PITPNM2: variants seen among roughly 807,000 people sequenced by gnomAD.
PITPNM2 encodes the protein membrane-associated phosphatidylinositol transfer protein 2.
A neutral mutation model predicts 132.2 loss-of-function variants in PITPNM2; 35 were observed. The observed-to-expected ratio is 0.26, with a 90% CI of 0.20 to 0.35. The LOEUF is 0.35. PITPNM2 is among the 10% of genes least tolerant of loss of function. The pLI, the probability that PITPNM2 is intolerant of heterozygous loss-of-function variation, is 1.00. For synonymous variants in PITPNM2, 738 were observed against 799.2 expected, an observed-to-expected ratio of 0.92 and a Z score of 1.29; for missense variants, 1,332 against 1,912.0, an observed-to-expected ratio of 0.70 and a Z score of 5.66.
At position 123,099,945 on chromosome 12, in the gene PITPNM2, C is replaced by T. The variant is rs376656539; in HGVS notation, c.-96+10440G>A. ...CACAGAAAACACCACTAACAGAGCA[C>T]CCAGGTGTGCAGGCATCCATGCCCG... On this transcript the variant is annotated intron_variant, in intron 2 of 25. Transcript: ENST00000320201. This position sits in a 1 kb window ranked among gnomAD's most constrained non-coding sequence, Gnocchi z 4.2. Among the ~76,000 whole-genome samples, 59 of 152,304 alleles carry T rather than the reference C, an allele frequency of 3.9e-4. No homozygotes were observed. Among genetic ancestry groups the T allele is most frequent in the South Asian group, 3.5e-3 (17 of 4,826 alleles).
chr12:123,005,808 C>A lies in PITPNM2; in HGVS notation c.644-260G>T. ...CCAAAGCAATGTGTCCGGTCAGAAG[C>A]CACAGTTGGAAGGGCGCAGTGGCTC... On this transcript the variant is annotated intron_variant, in intron 6 of 25. Transcript: ENST00000320201. This position sits in a 1 kb window ranked among gnomAD's most constrained non-coding sequence, Gnocchi z 6.2. The A allele has an allele frequency of 1.9e-6, 1 of 518,196 alleles. No individual in the cohort carries two copies. Among genetic ancestry groups the A allele is most frequent in the African/African-American group, 1.9e-5 (1 of 52,598 alleles). 32.1% of individuals were successfully genotyped at this position (518,196 alleles called of 1,614,324 possible).
intron 2 of PITPNM2, among the ~76,000 whole-genome samples, chr12:123,098,272 G>T (rs572573548): frequency 2.6e-5 from 4 of 152,330 alleles, no homozygotes; most frequent in African/African-American, 9.6e-5. Flanking sequence ...CCTGGAATGG[G>T]TTGGGGCTCA....
At chr12:123,011,946 C>G (rs941166636) in intron 5 of PITPNM2, among the ~76,000 whole-genome samples, 1 of 152,188 alleles carries the variant, frequency 6.6e-6, no homozygotes, top group Non-Finnish European at 1.5e-5. Flanking sequence ...GGGCCTGGAG[C>G]AGCTCCTGGG....
At chr12:123,079,117 G>T (rs1332507610) in intron 2 of PITPNM2, among the ~76,000 whole-genome samples, 1 of 152,118 alleles carries the variant, frequency 6.6e-6, no homozygotes, top group Non-Finnish European at 1.5e-5. Context: ...GCCCATCTCA[G>T]GAGCTGCGGT....
In PITPNM2 at chr12:123,145,807, C is replaced by T. The variant is rs192429587; in HGVS notation, c.-200+4946G>A. Among the ~76,000 whole-genome samples, 7 of 152,234 alleles carry T rather than the reference C, an allele frequency of 4.6e-5. No homozygotes were observed. The East Asian group carries it at 5.8e-4, about 13-fold the overall frequency. ...CAGTCTGGGCAACATAGCAAGACGTCGTCTCTACTAAAAATATCGTTCTAT... is the reference window on the plus strand; with the variant it reads ...CAGTCTGGGCAACATAGCAAGACGTTGTCTCTACTAAAAATATCGTTCTAT... On this transcript the variant is annotated intron_variant, in intron 1 of 25. Transcript: ENST00000320201.
At chr12:123,006,945 T>G (rs2038957910) in intron 6 of PITPNM2, among the ~76,000 whole-genome samples, 1 of 151,990 alleles carries the variant, frequency 6.6e-6, no homozygotes, top group South Asian at 2.1e-4. Context: ...AAATTATGCC[T>G]CAATAAAGCT....
At chr12:123,055,300 G>A (rs555577631) in intron 2 of PITPNM2, among the ~76,000 whole-genome samples, 7 of 152,286 alleles carry the variant, frequency 4.6e-5, no homozygotes, top group South Asian at 2.1e-4. Context: ...TGTTCCCAAC[G>A]TGCCACCCTT....
chr12:123,068,178 A>ACGAGCACGGC (rs1555294120), intron 2 of PITPNM2, among the ~76,000 whole-genome samples: 1 of 36,088 alleles, frequency 2.8e-5, no homozygotes, highest in African/African-American at 1.3e-4. Context: ...CTAAAAATCC[A>ACGAGCACGGC]CGGGCACGGC....
intron 2 of PITPNM2, among the ~76,000 whole-genome samples, chr12:123,061,371 C>G (rs1183689986): frequency 2.0e-5 from 3 of 152,242 alleles, no homozygotes; most frequent in Admixed American, 6.5e-5. Context: ...ACCCTAAGCC[C>G]ACTCTGCAGA....
intron 3 of PITPNM2, among the ~76,000 whole-genome samples, chr12:123,030,560 G>A (rs903253434): frequency 6.6e-6 from 1 of 152,098 alleles, no homozygotes; most frequent in African/African-American, 2.4e-5. Flanking sequence ...AGGGGTGGTG[G>A]CACGCGCCTG....
intron 3 of PITPNM2, among the ~76,000 whole-genome samples, chr12:123,024,827 C>T (rs1219162961): frequency 5.3e-5 from 8 of 152,092 alleles, no homozygotes; most frequent in East Asian, 1.9e-4. Flanking sequence ...ATTCTGGTGA[C>T]GGTTGTACAA....
At chr12:123,151,108 C>T (rs942774429), upstream of PITPNM2, among the ~76,000 whole-genome samples, 2 of 146,296 alleles carry the variant, frequency 1.4e-5, no homozygotes, top group Admixed American at 1.4e-4. Flanking sequence ...CGCGCCGGGC[C>T]GGGCTCGCAT....
intron 2 of PITPNM2, among the ~76,000 whole-genome samples, chr12:123,063,412 A>G (rs889690897): frequency 1.3e-5 from 2 of 152,228 alleles, no homozygotes; most frequent in Non-Finnish European, 2.9e-5. Context: ...GGTGAGAGGC[A>G]CACAGGAGCC....
At chr12:123,030,679 CG>C (rs775576037) in intron 3 of PITPNM2, among the ~76,000 whole-genome samples, 1 of 148,914 alleles carries the variant, frequency 6.7e-6, no homozygotes, top group Non-Finnish European at 1.5e-5. Flanking sequence ...GGCGACAGAG[CG>C]AGACTCCATC....
intron 2 of PITPNM2, among the ~76,000 whole-genome samples, chr12:123,070,500 G>C (rs2041591929): frequency 6.6e-6 from 1 of 152,164 alleles, no homozygotes; most frequent in Non-Finnish European, 1.5e-5. Context: ...CCTCTGGACA[G>C]AGGCCTCCTA....
At chr12:123,061,007 T>A (rs971570319) in intron 2 of PITPNM2, among the ~76,000 whole-genome samples, 1 of 151,976 alleles carries the variant, frequency 6.6e-6, no homozygotes, top group Non-Finnish European at 1.5e-5. Flanking sequence ...CATCTACCCA[T>A]GTAGCTACCG....
At chr12:123,025,578 A>G (rs568344432) in intron 3 of PITPNM2, among the ~76,000 whole-genome samples, 1 of 152,076 alleles carries the variant, frequency 6.6e-6, no homozygotes, top group South Asian at 2.1e-4. Flanking sequence ...GATTACAGGC[A>G]TGAGCCACCA....
At chr12:123,059,505 C>A (rs1465526680) in intron 2 of PITPNM2, among the ~76,000 whole-genome samples, 1 of 152,262 alleles carries the variant, frequency 6.6e-6, no homozygotes, top group Non-Finnish European at 1.5e-5. Flanking sequence ...TACACACCCA[C>A]TAATGCCCCC....
rs926590887 is a variant in PITPNM2, at chr12:123,048,400, G to GT, written c.-95-13716dup. On this transcript the variant is annotated intron_variant, in intron 2 of 25. Coordinates refer to ENST00000320201, the MANE Select transcript of PITPNM2 (RefSeq NM_020845.3). The stretch of plus-strand genomic sequence containing the variant: ...GGGGAAAGGAGAATGGGTAGTTAGT[G>GT]TTTTTTTTTTGTTTTTTTTTTTTGA... Among the ~76,000 whole-genome samples the GT allele has an allele frequency of 1.2e-3, 174 of 146,700 alleles. 2 individuals carry two copies. The highest frequency in any genetic ancestry group is 5.4e-3 in the Admixed American group (79 of 14,762).
Sources: gnomAD v4.1 joint callset for allele counts (sites outside exome capture counted in the v4.1 genomes callset) on GRCh38, gnomAD v4.1.1 for gene constraint, Gnocchi (gnomAD v3.1) non-coding constraint, MANE v1.5 for transcripts, NCBI Gene and HGNC (gene_info 2026-07-23, HGNC 2026-07-21) for gene names.